DYNC2H1: variants seen among roughly 807,000 people sequenced by gnomAD.
DYNC2H1 encodes the protein dynein cytoplasmic 2 heavy chain 1.
DYNC2H1 carries 410 observed loss-of-function variants against 570.0 expected under a neutral mutation model. The ratio of observed to expected loss-of-function variants is 0.72; its 90% CI spans 0.66 to 0.78. The LOEUF is 0.78. Ranked by LOEUF, DYNC2H1 falls within the 30% of genes least tolerant of loss-of-function variation. DYNC2H1 has a pLI of 0.00. For missense variants in DYNC2H1, 4,865 were observed against 5,046.4 expected (o/e 0.96, Z 1.09); for synonymous variants, 1,688 against 1,677.6 (o/e 1.01, Z -0.15).
chr11:103,182,205 T>C (rs1284727273), intron 40 of DYNC2H1, among the ~76,000 whole-genome samples: 2 of 151,094 alleles, frequency 1.3e-5, no homozygotes, highest in South Asian at 2.1e-4. Context: ...TTTACTGATA[T>C]GCCAGTAAAT....
chr11:103,384,955 A>C (rs1162034706), intron 83 of DYNC2H1, among the ~76,000 whole-genome samples: 1 of 152,092 alleles, frequency 6.6e-6, no homozygotes, highest in Non-Finnish European at 1.5e-5. Context: ...AGGGTATGTT[A>C]TTCTGTATTA....
intron 52 of DYNC2H1, among the ~76,000 whole-genome samples, chr11:103,206,381 A>G (rs1354167894): frequency 6.6e-6 from 1 of 152,180 alleles, no homozygotes; most frequent in Non-Finnish European, 1.5e-5. Context: ...TTGGGAAGGC[A>G]TTTGGAAATA....
intron 82 of DYNC2H1, among the ~76,000 whole-genome samples, chr11:103,342,149 AC>A (rs1172208365): frequency 6.6e-6 from 1 of 151,930 alleles, no homozygotes; most frequent in Non-Finnish European, 1.5e-5. Flanking sequence ...GACTTGGAAA[AC>A]TTTTCTGTCT....
At chr11:103,111,097 A>G (rs1858091741) in intron 1 of DYNC2H1, among the ~76,000 whole-genome samples, 1 of 152,192 alleles carries the variant, frequency 6.6e-6, no homozygotes, top group African/African-American at 2.4e-5. Context: ...AAGTGCTGGG[A>G]TTACAGGTGT....
Position 103,479,098 on chromosome 11 carries a change from G to A in DYNC2H1, c.12769G>A (p.Ala4257Thr), listed in dbSNP as rs980597273. ...AAACAAGTTATTTTTTAAACAGGAT[G>A]CATGTGGTCCATATTCTCCGGATGA... is the stretch of plus-strand genomic sequence containing the variant. ...PCFMGWIPQDACGPYSPDECI... is the reference protein window; with the variant it reads ...PCFMGWIPQDTCGPYSPDECI... Residue 4257 changes from alanine to threonine, a missense_variant, in exon 89 of 89, where the codon GCA becomes ACA. By Grantham distance (58) the Ala-to-Thr change is moderately conservative (BLOSUM62 0). Coordinates refer to ENST00000375735, the MANE Select transcript of DYNC2H1 (RefSeq NM_001377.3). 1.9e-6 allele frequency: 3 copies of A among 1,613,622 alleles called. No homozygotes were observed. The highest frequency in any genetic ancestry group is 3.3e-5 in the Admixed American group (2 of 59,994).
chr11:103,477,194 A>G (rs1279374635), intron 88 of DYNC2H1, among the ~76,000 whole-genome samples: 1 of 152,216 alleles, frequency 6.6e-6, no homozygotes, highest in Non-Finnish European at 1.5e-5. Context: ...TCTATTTTGC[A>G]AAGTAACAGA....
chr11:103,109,935 C>T (rs576882651), intron 1 of DYNC2H1, among the ~76,000 whole-genome samples, 166 bp downstream of exon 1: 4 of 152,168 alleles, frequency 2.6e-5, no homozygotes, highest in African/African-American at 9.7e-5. Flanking sequence ...GCGTTGGCCT[C>T]GTGCTTAAGC....
At chr11:103,317,041 G>A (rs1641786645) in intron 80 of DYNC2H1, among the ~76,000 whole-genome samples, 1 of 152,060 alleles carries the variant, frequency 6.6e-6, no homozygotes, top group African/African-American at 2.4e-5. Flanking sequence ...AGCAAATAAA[G>A]CCATTTAATC....
At chr11:103,425,084 T>C (rs1943619117) in intron 84 of DYNC2H1, among the ~76,000 whole-genome samples, 1 of 152,046 alleles carries the variant, frequency 6.6e-6, no homozygotes, top group East Asian at 1.9e-4. Flanking sequence ...TATAGGCACA[T>C]GCCCTCACAC....
chr11:103,287,100 C>A (rs370812552), intron 74 of DYNC2H1, among the ~76,000 whole-genome samples: 1 of 152,074 alleles, frequency 6.6e-6, no homozygotes, highest in African/African-American at 2.4e-5. Context: ...TGTGATTGCA[C>A]CACTGCACTC....
intron 84 of DYNC2H1, chr11:103,405,835 G>C (rs139350893): frequency 4.0e-5 from 6 of 151,818 alleles, no homozygotes; most frequent in African/African-American, 1.5e-4. Context: ...ATTGATGAAC[G>C]TAAGTGAAAA....
chr11:103,140,839 C>T (rs1409002134), intron 17 of DYNC2H1, among the ~76,000 whole-genome samples: 5 of 152,192 alleles, frequency 3.3e-5, no homozygotes, highest in Non-Finnish European at 7.3e-5. Context: ...CTTTCAGGTA[C>T]ACCCATCAGA....
chr11:103,471,069 C>T (rs1220551249), intron 88 of DYNC2H1, among the ~76,000 whole-genome samples: 2 of 152,184 alleles, frequency 1.3e-5, no homozygotes, highest in South Asian at 4.1e-4. Context: ...ACATCCTCTC[C>T]AGCACCTGTT....
chr11:103,371,913 C>G (rs1367602715), intron 83 of DYNC2H1, among the ~76,000 whole-genome samples: 1 of 92,766 alleles, frequency 1.1e-5, no homozygotes, highest in Non-Finnish European at 2.2e-5. Context: ...TTGGTTTCTT[C>G]CTTTCCCATT....
chr11:103,112,239 A>G (rs1471599138), intron 1 of DYNC2H1, among the ~76,000 whole-genome samples: 1 of 152,212 alleles, frequency 6.6e-6, no homozygotes, highest in Non-Finnish European at 1.5e-5. Flanking sequence ...AAAAAAATCC[A>G]GAGTGATTGC....
chr11:103,401,702 G>T (rs1368663393), intron 84 of DYNC2H1, among the ~76,000 whole-genome samples: 1 of 152,062 alleles, frequency 6.6e-6, no homozygotes, highest in Non-Finnish European at 1.5e-5. Context: ...TACCTCATGG[G>T]ATTATTACGA....
In DYNC2H1 at chr11:103,204,893, A is replaced by G; in HGVS notation, c.8383A>G (p.Ser2795Gly). Residue 2795 changes from serine (S) to glycine (G), a missense_variant, in exon 52 of 89, where the codon AGT (serine) becomes GGT (glycine). Ser to Gly is a moderately conservative substitution (Grantham distance 56). This residue lies in a region of DYNC2H1 where 2,401 missense variants were observed against 2,454.6 expected (regional missense o/e 0.98). Coordinates refer to ENST00000375735, the MANE Select transcript of DYNC2H1 (RefSeq NM_001377.3). This position sits in a 1 kb window ranked among gnomAD's most constrained non-coding sequence, Gnocchi z 4.1. ...TTCAAACTTCATGATAAACTGTGAG[A>G]GTAATCCAGCTTTGCATAAGAAATG... is the stretch of plus-strand genomic sequence containing the variant. ...ANSNFMINCE[S>G]NPALHKKCQV... 1.3e-6 allele frequency: 2 copies of G among 1,594,038 alleles called. No homozygotes were observed. Among genetic ancestry groups the G allele is most frequent in the East Asian group, 4.5e-5 (2 of 44,006 alleles).
At chr11:103,441,045 T>C (rs1349806255) in intron 85 of DYNC2H1, among the ~76,000 whole-genome samples, 1 of 152,174 alleles carries the variant, frequency 6.6e-6, no homozygotes, top group Non-Finnish European at 1.5e-5. Context: ...TCCCCATGAC[T>C]AGTCATCTTG....
chr11:103,204,943 G>C lies in DYNC2H1; in HGVS notation c.8433G>C (p.Trp2811Cys). ...GCCAGGTGTTGTGGATGGAGGGTTGGTCCAATAGCAGTATGAAGAAAGTAA... is the reference window on the plus strand; with the variant it reads ...GCCAGGTGTTGTGGATGGAGGGTTGCTCCAATAGCAGTATGAAGAAAGTAA... ...KKCQVLWMEG[W>C]SNSSMKKIPE... Residue 2811 changes from tryptophan to cysteine, a missense_variant, in exon 52 of 89, where the codon TGG becomes TGC. By Grantham distance (215) the Trp-to-Cys change is radical (BLOSUM62 -2). Around this residue, in one of 5 missense-constraint regions of DYNC2H1, gnomAD observed 2,401 missense variants for 2,454.6 expected, o/e 0.98. Coordinates refer to ENST00000375735, the MANE Select transcript of DYNC2H1 (RefSeq NM_001377.3). The surrounding 1 kb of genome is among the most constrained non-coding windows in gnomAD (Gnocchi z 4.1). The C allele has an allele frequency of 6.3e-7, 1 of 1,588,328 alleles. No homozygotes were observed. The highest frequency in any genetic ancestry group is 8.6e-7 in the Non-Finnish European group (1 of 1,166,170).
Sources: allele counts gnomAD v4.1 joint callset (sites outside exome capture counted in the v4.1 genomes callset), GRCh38; gene constraint gnomAD v4.1.1; regional missense constraint gnomAD v4.1.1; non-coding constraint Gnocchi (gnomAD v3.1); transcripts MANE v1.5; gene names NCBI Gene and HGNC (gene_info 2026-07-23, HGNC 2026-07-21).